PRMT8: variants seen among roughly 807,000 people sequenced by gnomAD.
PRMT8 encodes the protein protein arginine methyltransferase 8, also known as protein arginine N-methyltransferase 8.
PRMT8 carries 7 observed loss-of-function variants against 47.1 expected under a neutral mutation model. The ratio of observed to expected loss-of-function variants is 0.15; its 90% CI spans 0.08 to 0.28. The LOEUF (loss-of-function observed/expected upper bound fraction) is 0.28, where lower values mean the gene tolerates loss of function less well. Among genes scored for constraint, PRMT8 ranks in the 10% least tolerant of loss-of-function variants. The pLI is 1.00. For missense variants in PRMT8, 237 were observed against 505.4 expected, an observed-to-expected ratio of 0.47 and a Z score of 5.09; for synonymous variants, 188 against 186.5, an observed-to-expected ratio of 1.01 and a Z score of -0.07.
At position 3,514,943 on chromosome 12, in the gene PRMT8, A is replaced by G. The variant is rs964885850; in HGVS notation, c.75+23243A>G. On this transcript the variant is annotated intron_variant, in intron 1 of 9. Transcript: ENST00000382622. This position sits in a 1 kb window ranked among gnomAD's most constrained non-coding sequence, Gnocchi z 5.9. ...ACTGCCACTTTGCTTCCTCTAAGCT[A>G]TGTTGACAAACAGAAATTATGGATG... Among the ~76,000 whole-genome samples the G allele has an allele frequency of 6.6e-6, 1 of 152,214 alleles. No homozygotes were observed. Among genetic ancestry groups the G allele is most frequent in the African/African-American group, 2.4e-5 (1 of 41,456 alleles).
At chr12:3,533,151 T>C (rs892233852) in intron 1 of PRMT8, among the ~76,000 whole-genome samples, 7 of 152,194 alleles carry the variant, frequency 4.6e-5, no homozygotes, top group African/African-American at 1.7e-4. Flanking sequence ...CAGCCGACCC[T>C]CTGTGACAGG....
chr12:3,494,029 G>A (rs1186457078), intron 1 of PRMT8, among the ~76,000 whole-genome samples: 3 of 152,220 alleles, frequency 2.0e-5, no homozygotes, highest in Non-Finnish European at 4.4e-5. Context: ...GAATAAGCCA[G>A]GACTAGAGCA....
At chr12:3,419,826 G>A (rs11837873) in intron 1 of PRMT8, among the ~76,000 whole-genome samples, 1 of 151,774 alleles carries the variant, frequency 6.6e-6, no homozygotes, top group African/African-American at 2.4e-5. Flanking sequence ...CTCCTGGCTT[G>A]TCCAGGGCAT....
intron 1 of PRMT8, among the ~76,000 whole-genome samples, chr12:3,386,402 G>A (rs747636387): frequency 2.6e-5 from 4 of 152,114 alleles, no homozygotes; most frequent in East Asian, 1.9e-4. Context: ...ACATTATGCC[G>A]TTCCTCTTAC....
intron 1 of PRMT8, among the ~76,000 whole-genome samples, chr12:3,440,769 A>G (rs987968364): frequency 1.3e-5 from 2 of 152,216 alleles, no homozygotes; most frequent in Non-Finnish European, 2.9e-5. Context: ...AGGTTGAAGA[A>G]CAGTAATTAT....
intron 1 of PRMT8, among the ~76,000 whole-genome samples, chr12:3,442,178 C>T (rs1292895726): frequency 1.3e-5 from 2 of 152,156 alleles, no homozygotes; most frequent in African/African-American, 4.8e-5. Flanking sequence ...CAAAAAGTAA[C>T]TCAAGGAAAG....
At chr12:3,422,807 T>C (rs1193054233) in intron 1 of PRMT8, among the ~76,000 whole-genome samples, 1 of 152,226 alleles carries the variant, frequency 6.6e-6, no homozygotes, top group Non-Finnish European at 1.5e-5. Flanking sequence ...GGCAGAAATT[T>C]GGCATAAGAC....
intron 9 of PRMT8, 35 bp downstream of exon 9, chr12:3,592,387 AG>A: frequency 1.3e-6 from 2 of 1,587,154 alleles, no homozygotes; most frequent in Non-Finnish European, 1.7e-6. Context: ...ATAAGGGAGA[AG>A]GGCCCCACAG....
intron 1 of PRMT8, among the ~76,000 whole-genome samples, chr12:3,421,414 T>C (rs761245201): frequency 6.6e-6 from 1 of 152,196 alleles, no homozygotes; most frequent in Non-Finnish European, 1.5e-5. Context: ...ATCACCATCC[T>C]GCCGGGGGGT....
intron 1 of PRMT8, among the ~76,000 whole-genome samples, chr12:3,448,872 A>G (rs990181083): frequency 2.0e-5 from 3 of 152,016 alleles, no homozygotes; most frequent in South Asian, 2.1e-4. Context: ...TTAGCTATTT[A>G]TCCTGATGCA....
rs149628305 is a variant in PRMT8, at chr12:3,556,424, G to C, written c.481+2710G>C. Among the ~76,000 whole-genome samples the C allele has an allele frequency of 7.6e-3, 1,161 of 152,166 alleles. 6 individuals carry two copies. The highest frequency in any genetic ancestry group is 0.012 in the Non-Finnish European group (846 of 68,022). On this transcript the variant is annotated intron_variant, in intron 4 of 9. Transcript: ENST00000382622. The stretch of plus-strand genomic sequence containing the variant: ...GAGGAGGACCATGAAGCCCAGGGAG[G>C]GGGGCTTGCTCAACTGTAGGGAATG...
intron 4 of PRMT8, among the ~76,000 whole-genome samples, chr12:3,562,418 T>C (rs1471737846): frequency 6.6e-6 from 1 of 151,846 alleles, no homozygotes; most frequent in Non-Finnish European, 1.5e-5. Context: ...ACAACATCTT[T>C]GCTCTCATAA....
In PRMT8 at chr12:3,404,005, G is replaced by T. The variant is rs183167557; in HGVS notation, c.48+22563G>T. On this transcript the variant is annotated intron_variant, in intron 1 of 9. Transcript: ENST00000452611. ...TTAAAAATATGAAATATTTTCTATA[G>T]AAAATCACAGGAAATCAAACAAACA... Among the ~76,000 whole-genome samples the T allele has an allele frequency of 1.9e-3, 279 of 150,402 alleles. 1 individual carries two copies. The highest frequency in any genetic ancestry group is 6.5e-3 in the African/African-American group (264 of 40,876).
rs1212575488 is a variant in PRMT8, at chr12:3,453,243, C to G, written c.48+71801C>G. Reference sequence around the variant, plus strand: ...AGCCACGGTTCCTTCCCTCCCCACGCCCCTCGCTCACTCTAGTCCTGGCTC... The same window carrying G: ...AGCCACGGTTCCTTCCCTCCCCACGGCCCTCGCTCACTCTAGTCCTGGCTC... On this transcript the variant is annotated intron_variant, in intron 1 of 9. Transcript: ENST00000452611. The surrounding 1 kb of genome is among the most constrained non-coding windows in gnomAD (Gnocchi z 4.9). Among the ~76,000 whole-genome samples the G allele has an allele frequency of 6.6e-6, 1 of 152,138 alleles. No homozygotes were observed. Among genetic ancestry groups the G allele is most frequent in the Non-Finnish European group, 1.5e-5 (1 of 68,036 alleles).
intron 1 of PRMT8, among the ~76,000 whole-genome samples, chr12:3,466,812 C>G (rs1177427230): frequency 6.6e-6 from 1 of 152,134 alleles, no homozygotes; most frequent in African/African-American, 2.4e-5. Context: ...ATCGATGTCT[C>G]TTTTCTACAA....
At chr12:3,522,750 A>G (rs887561197) in intron 1 of PRMT8, among the ~76,000 whole-genome samples, 1 of 151,994 alleles carries the variant, frequency 6.6e-6, no homozygotes. Context: ...ACAAGGGTAA[A>G]TACATTACAC....
intron 2 of PRMT8, among the ~76,000 whole-genome samples, chr12:3,541,139 G>A (rs1053064138): frequency 1.3e-5 from 2 of 152,204 alleles, no homozygotes; most frequent in African/African-American, 4.8e-5. Context: ...TTTGGACCAG[G>A]AGCTCAAATG....
At chr12:3,421,866 T>C (rs1189600606) in intron 1 of PRMT8, among the ~76,000 whole-genome samples, 1 of 152,236 alleles carries the variant, frequency 6.6e-6, no homozygotes, top group Non-Finnish European at 1.5e-5. Flanking sequence ...CTGAGGCTGC[T>C]GAGGTAGTTT....
intron 6 of PRMT8, among the ~76,000 whole-genome samples, chr12:3,571,768 T>A (rs1247257952): frequency 1.3e-5 from 2 of 152,200 alleles, no homozygotes; most frequent in Non-Finnish European, 2.9e-5. Flanking sequence ...CTATTTACAT[T>A]TTTGAAAATA....
Sources: allele counts gnomAD v4.1 joint callset (sites outside exome capture counted in the v4.1 genomes callset), GRCh38; gene constraint gnomAD v4.1.1; non-coding constraint Gnocchi (gnomAD v3.1); transcripts MANE v1.5; gene names NCBI Gene and HGNC (gene_info 2026-07-23, HGNC 2026-07-21).